Variants in TMEM145 observed in about 807,000 individuals in gnomAD.
The protein encoded by TMEM145 is transmembrane protein 145.
A neutral mutation model predicts 68.5 loss-of-function variants in TMEM145; 46 were observed. That is an observed-to-expected ratio of 0.67 (90% CI 0.53 to 0.86). The LOEUF (loss-of-function observed/expected upper bound fraction) is 0.86. Among genes scored for constraint, TMEM145 ranks in the 40% least tolerant of loss-of-function variants. TMEM145 has a pLI of 0.00. For synonymous variants in TMEM145, 255 were observed against 280.2 expected (o/e 0.91, Z 0.90); for missense variants, 570 against 645.8 (o/e 0.88, Z 1.27).
Position 42,314,312 on chromosome 19 carries a change from A to G in TMEM145, c.161A>G (p.Tyr54Cys), listed in dbSNP as rs1192784730. The change falls in exon 2 of 15, where the codon TAC becomes TGC. Residue 54 changes from tyrosine (Y) to cysteine (C), a missense_variant. By Grantham distance (194) the Tyr-to-Cys change is radical. Coordinates refer to ENST00000301204, the MANE Select transcript of TMEM145 (RefSeq NM_173633.3). ...FLTRFCFLSD[Y>C]GRLDFRFRYP... ...ACAAGATTTTGTTTCCTCTCGGATTACGGCCGACTGGACTTCCGTTTCCGC... is the reference window on the plus strand; with the variant it reads ...ACAAGATTTTGTTTCCTCTCGGATTGCGGCCGACTGGACTTCCGTTTCCGC... 1 of 1,613,952 alleles carries G rather than the reference A, an allele frequency of 6.2e-7. No individual in the cohort carries two copies. The highest frequency in any genetic ancestry group is 1.1e-5 in the South Asian group (1 of 91,076).
rs376846627 is a variant in TMEM145, at chr19:42,323,819, G to T, written c.1401+30G>T. 1.9e-5 allele frequency: 31 copies of T among 1,603,484 alleles called. No homozygotes were observed. The Middle Eastern group carries it at 1.2e-3, about 60-fold the overall frequency. On this transcript the variant is annotated intron_variant, in intron 14 of 14. Transcript: ENST00000301204. ...GCCCCGCGGCCCCAGCGCCCGAGGA[G>T]CTGCTGGCGCCGCCCCTGGAGTACC...
At position 42,315,064 on chromosome 19, in the gene TMEM145, C is replaced by T. The variant is rs202014709; in HGVS notation, c.492C>T (p.Ser164=). The T allele has an allele frequency of 2.2e-4, 354 of 1,614,138 alleles. 2 individuals are homozygous for T. In the South Asian group the frequency reaches 3.3e-3, roughly 15 times the overall value. Reference sequence around the variant, plus strand: ...AGTCCTTCTGGACACGACACTTCTCCGCTGATGAGTTTGGTGAGCACGTGG... The same window carrying T: ...AGTCCTTCTGGACACGACACTTCTCTGCTGATGAGTTTGGTGAGCACGTGG... ...NGKSFWTRHF[S]ADEFGILETD... is the part of the protein sequence containing the mutation. The change falls in exon 6 of 15, where the codon TCC becomes TCT. Residue 164 remains serine (S), a synonymous_variant. Coordinates refer to ENST00000301204, the MANE Select transcript of TMEM145 (RefSeq NM_173633.3).
rs775537730 is a variant in TMEM145 at position 42,316,943 on chromosome 19, C to G, written c.880C>G (p.Leu294Val). 3 of 1,613,732 alleles carry G rather than the reference C, an allele frequency of 1.9e-6. No homozygotes were observed. The South Asian group carries it at 3.3e-5, about 18-fold the overall frequency. ...MTLYTLTHVV[L>V]LIYEAEFFDP... ...CCTGTACACGCTCACCCATGTGGTG[C>G]TGCTCATCTACGAGGCGGAAGTGAG... Residue 294 changes from leucine (L) to valine (V), a missense_variant, in exon 11 of 15, where the codon CTG (leucine) becomes GTG (valine). Coordinates refer to ENST00000301204, the MANE Select transcript of TMEM145 (RefSeq NM_173633.3).
At position 42,320,347 on chromosome 19, in the gene TMEM145, T is replaced by A. The variant is rs2038899447; in HGVS notation, c.1104T>A (p.Ile368=). 1 of 1,614,130 alleles carries A rather than the reference T, an allele frequency of 6.2e-7. No homozygotes were observed. Among genetic ancestry groups the A allele is most frequent in the African/African-American group, 1.3e-5 (1 of 75,054 alleles). ...WFFAVPVMAL[I]ANFGIPKWAR... is the part of the protein sequence containing the mutation. ...TTGCGGTTCCTGTCATGGCCCTGAT[T>A]GCCAATTTCGGCATCCCCAAGTGGG... Residue 368 remains isoleucine (I), a synonymous_variant, in exon 13 of 15, where the codon ATT becomes ATA. Transcript: ENST00000301204.
chr19:42,314,764 A>G, intron 4 of TMEM145, 28 bp from the exon 5 acceptor site: 1 of 1,614,194 alleles, frequency 6.2e-7, no homozygotes, highest in East Asian at 2.2e-5. Flanking sequence ...CATCAAGGAC[A>G]GGCTTCAGCC....
chr19:42,317,491 T>C (rs1359354019), intron 11 of TMEM145, among the ~76,000 whole-genome samples: 1 of 152,090 alleles, frequency 6.6e-6, no homozygotes, highest in Non-Finnish European at 1.5e-5. Context: ...ATGAGAGGGG[T>C]TTAGCCCTGT....
Position 42,313,309 on chromosome 19 carries a change from G to A in TMEM145, c.-68G>A. The A allele has an allele frequency of 1.8e-6, 1 of 553,942 alleles. No homozygotes were observed. The highest frequency in any genetic ancestry group is 2.6e-6 in the Non-Finnish European group (1 of 381,198). The allele number at this position is 553,942 out of a possible 1,614,324, so 34.3% of individuals were successfully genotyped here. The stretch of plus-strand genomic sequence containing the variant: ...ATCGGGGGCGCGCGCTGGCCAGCCC[G>A]CGCGCTCTCGCCTCCATTGCCGGGC... On this transcript the variant is annotated 5_prime_UTR_variant, in exon 1 of 15. Coordinates refer to ENST00000301204, the MANE Select transcript of TMEM145 (RefSeq NM_173633.3). The surrounding 1 kb of genome is among the most constrained non-coding windows in gnomAD (Gnocchi z 5.1).
chr19:42,314,263 CT>C lies in TMEM145; in HGVS notation c.121-4del. ...CTCAGCGGAGGGTCAGACTGGGCCC[CT>C]TTTTCAGGACTGGGTGTTCCTGACA... On this transcript the variant is annotated splice_polypyrimidine_tract_variant and splice_region_variant and intron_variant, in intron 1 of 14. Coordinates refer to ENST00000301204, the MANE Select transcript of TMEM145 (RefSeq NM_173633.3). The C allele has an allele frequency of 6.2e-7, 1 of 1,614,004 alleles. No homozygotes were observed. Among genetic ancestry groups the C allele is most frequent in the Non-Finnish European group, 8.5e-7 (1 of 1,179,980 alleles).
chr19:42,315,192 C>T lies in TMEM145; in HGVS notation c.510C>T (p.Ile170=), dbSNP rs1202096118. 1.2e-6 allele frequency: 2 copies of T among 1,610,474 alleles called. No homozygotes were observed. Among genetic ancestry groups the T allele is most frequent in the Admixed American group, 3.3e-5 (2 of 59,904 alleles). The stretch of plus-strand genomic sequence containing the variant: ...CTCCTCCTACCAAATCGGCAGGGAT[C>T]CTGGAGACAGATGTGACCTTCCTCC... ...TRHFSADEFG[I]LETDVTFLLI... Residue 170 remains isoleucine, a synonymous_variant, in exon 7 of 15, where the codon ATC becomes ATT. Coordinates refer to ENST00000301204, the MANE Select transcript of TMEM145 (RefSeq NM_173633.3).
chr19:42,316,889 G>A lies in TMEM145; in HGVS notation c.826G>A (p.Gly276Ser), dbSNP rs1303142641. ...TVTRGRISHA[G>S]SVKLSVYMTL... ...TGCCAGGGGCCGCATCAGCCACGCG[G>A]GCTCCGTGAAGTTGTCTGTCTACAT... Residue 276 changes from glycine (G) to serine (S), a missense_variant, in exon 11 of 15, where the codon GGC (glycine) becomes AGC (serine). Transcript: ENST00000301204. 2 of 1,613,538 alleles carry A rather than the reference G, an allele frequency of 1.2e-6. No homozygotes were observed. The highest frequency in any genetic ancestry group is 1.7e-6 in the Non-Finnish European group (2 of 1,179,944).
intron 14 of TMEM145, 66 bp downstream of exon 14, chr19:42,323,855 C>T: frequency 3.5e-6 from 5 of 1,438,324 alleles, no homozygotes; most frequent in Non-Finnish European, 4.8e-6. Flanking sequence ...TGACCCCGCT[C>T]CCGGCCCCGC....
At chr19:42,320,182 T>A in intron 12 of TMEM145, 135 bp from the exon 13 acceptor site, 2 of 1,222,238 alleles carry the variant, frequency 1.6e-6, no homozygotes, top group Non-Finnish European at 2.3e-6. Context: ...CTCTGGCTTC[T>A]GAAGGTCACA....
In TMEM145 at chr19:42,323,708, C is replaced by A. The variant is rs759414079; in HGVS notation, c.1320C>A (p.His440Gln). 1 of 1,614,202 alleles carries A rather than the reference C, an allele frequency of 6.2e-7. No homozygotes were observed. Among genetic ancestry groups the A allele is most frequent in the Non-Finnish European group, 8.5e-7 (1 of 1,180,024 alleles). The change falls in exon 14 of 15, where the codon CAC becomes CAA. Residue 440 changes from histidine to glutamine, a missense_variant. Transcript: ENST00000301204. ...SQSADKAFPQ[H>Q]VYGNVTFISD... ...CCGCTGACAAGGCCTTCCCGCAGCACGTCTATGGGAACGTGACGTTTATCA... is the reference window on the plus strand; with the variant it reads ...CCGCTGACAAGGCCTTCCCGCAGCAAGTCTATGGGAACGTGACGTTTATCA...
At chr19:42,321,164 G>C (rs2038907344) in intron 13 of TMEM145, 1 of 398,536 alleles carries the variant, frequency 2.5e-6, no homozygotes, top group Non-Finnish European at 4.4e-6. Context: ...AGAAGCATCT[G>C]GGGTGGCACA....
chr19:42,324,461 C>T, intron 14 of TMEM145: 6 of 985,412 alleles, frequency 6.1e-6, no homozygotes, highest in Non-Finnish European at 7.2e-6. Flanking sequence ...GACGGCAGCG[C>T]CGCACACCGG....
At chr19:42,319,175 G>A (rs1236556578) in intron 12 of TMEM145, among the ~76,000 whole-genome samples, 1 of 152,268 alleles carries the variant, frequency 6.6e-6, no homozygotes, top group South Asian at 2.1e-4. Flanking sequence ...TAGCAATAAG[G>A]TTGGCAGATT....
At chr19:42,319,978 C>T (rs767416089) in intron 12 of TMEM145, among the ~76,000 whole-genome samples, 118 of 150,266 alleles carry the variant, frequency 7.9e-4, no homozygotes, top group Middle Eastern at 3.5e-3. Flanking sequence ...AGGCTGGTCT[C>T]GAACTCCCAA....
At chr19:42,319,395 C>T (rs2038890093) in intron 12 of TMEM145, among the ~76,000 whole-genome samples, 1 of 152,146 alleles carries the variant, frequency 6.6e-6, no homozygotes, top group Non-Finnish European at 1.5e-5. Flanking sequence ...TAAGTCCTTA[C>T]TTCTTATTAT....
chr19:42,321,907 A>T (rs1354804416), intron 13 of TMEM145: 1 of 152,240 alleles, frequency 6.6e-6, no homozygotes, highest in Admixed American at 6.6e-5. Flanking sequence ...TGTTCCCACT[A>T]CACAGAGCGG....
Sources: gnomAD v4.1 joint callset for allele counts (sites outside exome capture counted in the v4.1 genomes callset) on GRCh38, gnomAD v4.1.1 for gene constraint, Gnocchi (gnomAD v3.1) non-coding constraint, MANE v1.5 for transcripts, NCBI Gene and HGNC (gene_info 2026-07-23, HGNC 2026-07-21) for gene names.